NIBAN1: variants seen among roughly 807,000 people sequenced by gnomAD.
The protein encoded by NIBAN1 is protein Niban 1.
A neutral mutation model predicts 75.1 loss-of-function variants in NIBAN1; 81 were observed. That is an observed-to-expected ratio of 1.08 (90% CI 0.90 to 1.30). The LOEUF (loss-of-function observed/expected upper bound fraction) is 1.30, where lower values mean the gene tolerates loss of function less well. Among genes scored for constraint, NIBAN1 ranks in the 50% most tolerant of loss-of-function variants. The pLI is 0.00. For missense variants in NIBAN1, 1,133 were observed against 1,128.1 expected (o/e 1.00, Z -0.06); for synonymous variants, 436 against 424.8 (o/e 1.03, Z -0.32).
chr1:184,932,151 T>C (rs1287919580), intron 1 of NIBAN1, among the ~76,000 whole-genome samples: 1 of 152,190 alleles, frequency 6.6e-6, no homozygotes, highest in South Asian at 2.1e-4. Flanking sequence ...AGGAACAAGT[T>C]TCATAGAAGA....
intron 5 of NIBAN1, 135 bp downstream of exon 5, chr1:184,884,498 T>C (rs1656459447): frequency 1.7e-6 from 2 of 1,182,148 alleles, no homozygotes; most frequent in African/African-American, 1.5e-5. Context: ...GTGCTGGGAT[T>C]ACAGGCATGA....
At chr1:184,933,947 G>A (rs1381831886) in intron 1 of NIBAN1, among the ~76,000 whole-genome samples, 1 of 152,210 alleles carries the variant, frequency 6.6e-6, no homozygotes, top group Non-Finnish European at 1.5e-5. Context: ...GACATTGTGT[G>A]AAGCAGGAAC....
intron 6 of NIBAN1, among the ~76,000 whole-genome samples, chr1:184,824,227 C>T (rs1000847163): frequency 6.6e-6 from 1 of 152,152 alleles, no homozygotes; most frequent in African/African-American, 2.4e-5. Flanking sequence ...TTCGTCCCCA[C>T]TGTCCCCCAA....
chr1:184,862,908 A>G lies in NIBAN1; in HGVS notation c.601+21725T>C, dbSNP rs556381458. ...GTTGTTACACAGGTAAACTTGTGTCATAGGTGTTTGTTGTACAGATTATTT... is the reference window on the plus strand; with the variant it reads ...GTTGTTACACAGGTAAACTTGTGTCGTAGGTGTTTGTTGTACAGATTATTT... On this transcript the variant is annotated intron_variant, in intron 5 of 13. Coordinates refer to ENST00000367511, the MANE Select transcript of NIBAN1 (RefSeq NM_052966.4). 1.7e-3 allele frequency among the ~76,000 whole-genome samples: 255 copies of G among 151,950 alleles called. 1 individual carries two copies. Among genetic ancestry groups the G allele is most frequent in the Non-Finnish European group, 2.8e-3 (192 of 67,982 alleles).
In NIBAN1 at chr1:184,894,116, C is replaced by G. The variant is rs151291324; in HGVS notation, c.277G>C (p.Val93Leu). The part of the protein sequence containing the change: ...IKKWKERYVV[V>L]KNDYAVESYE... ...CTCTCCACAGCATAATCATTTTTAA[C>G]TACAACGTATCTCTCCTTCCACTTC... is the stretch of plus-strand genomic sequence containing the variant. Residue 93 changes from valine to leucine, a missense_variant, in exon 3 of 14, where the codon GTT becomes CTT. Transcript: ENST00000367511. The G allele has an allele frequency of 4.5e-4, 718 of 1,612,488 alleles. No individual in the cohort carries two copies. Among genetic ancestry groups the G allele is most frequent in the Non-Finnish European group, 5.8e-4 (688 of 1,179,358 alleles).
chr1:184,969,945 C>T (rs1247930458), intron 1 of NIBAN1, among the ~76,000 whole-genome samples: 1 of 151,946 alleles, frequency 6.6e-6, no homozygotes. Context: ...GCAGGTGGCT[C>T]ACTTGAGCTC....
chr1:184,869,140 T>C (rs146969438), intron 5 of NIBAN1, among the ~76,000 whole-genome samples: 33 of 152,278 alleles, frequency 2.2e-4, no homozygotes, highest in African/African-American at 6.3e-4. Context: ...TTTAGGCATA[T>C]TGCTTTCCTC....
intron 1 of NIBAN1, among the ~76,000 whole-genome samples, chr1:184,930,227 G>T (rs1213501760): frequency 6.6e-6 from 1 of 152,130 alleles, no homozygotes; most frequent in African/African-American, 2.4e-5. Flanking sequence ...GATAGGGTAC[G>T]ACTCAAATCT....
At chr1:184,796,206 A>G in intron 13 of NIBAN1, 109 bp from the exon 14 acceptor site, 1 of 1,200,118 alleles carries the variant, frequency 8.3e-7, no homozygotes. Context: ...GACCCAGCTT[A>G]CATCCAGGGA....
At chr1:184,814,689 A>G (rs1176727666) in intron 9 of NIBAN1, among the ~76,000 whole-genome samples, 1 of 152,250 alleles carries the variant, frequency 6.6e-6, no homozygotes, top group Non-Finnish European at 1.5e-5. Context: ...GTGGTATTTG[A>G]CAAACCTTTC....
chr1:184,881,955 C>T (rs1571543749), intron 5 of NIBAN1, among the ~76,000 whole-genome samples: 1 of 152,252 alleles, frequency 6.6e-6, no homozygotes, highest in East Asian at 1.9e-4. Context: ...GGGAATGCAG[C>T]CCAGTAAGTT....
chr1:184,899,376 A>G, intron 1 of NIBAN1, 67 bp from the exon 2 acceptor site: 1 of 1,513,010 alleles, frequency 6.6e-7, no homozygotes, highest in South Asian at 1.2e-5. Flanking sequence ...ACAGAGTTCC[A>G]AAAACCATCC....
chr1:184,925,140 C>A (rs538351365), intron 1 of NIBAN1, among the ~76,000 whole-genome samples: 2 of 152,136 alleles, frequency 1.3e-5, no homozygotes, highest in Non-Finnish European at 2.9e-5. Context: ...GCTGAATTGA[C>A]CCCTTTATCA....
chr1:184,823,640 C>A lies in NIBAN1; in HGVS notation c.820G>T (p.Gly274Cys), dbSNP rs1235892578. Residue 274 changes from glycine to cysteine, a missense_variant and splice_region_variant, in exon 7 of 14, where the codon GGT becomes TGT. Transcript: ENST00000367511. ...TGTAGAGCAAAACCATTGCTTACAC[C>A]AAGCCACGTCCTCTTTCTGTCATTC... ...KKNDRKRTWL[G>C]LLEEAYTLVQ... 28 of 1,614,102 alleles carry A rather than the reference C, an allele frequency of 1.7e-5. No individual in the cohort carries two copies. Among genetic ancestry groups the A allele is most frequent in the Non-Finnish European group, 2.4e-5 (28 of 1,179,976 alleles).
chr1:184,961,055 TTC>T (rs1422648108), intron 1 of NIBAN1, among the ~76,000 whole-genome samples: 4 of 136,510 alleles, frequency 2.9e-5, no homozygotes, highest in African/African-American at 1.1e-4. Context: ...CTATATGCCG[TTC>T]TTTTTTTTTT....
chr1:184,919,789 C>T lies in NIBAN1; in HGVS notation c.56-20480G>A, dbSNP rs181852384. Among the ~76,000 whole-genome samples, 17 of 151,952 alleles carry T rather than the reference C, an allele frequency of 1.1e-4. No homozygotes were observed. The South Asian group carries it at 2.9e-3, about 26-fold the overall frequency. On this transcript the variant is annotated intron_variant, in intron 1 of 13. Coordinates refer to ENST00000367511, the MANE Select transcript of NIBAN1 (RefSeq NM_052966.4). ...TCCTAGGTAATGAGTATAATATATA[C>T]GTAAATATACAATGCCTTCTATGAG...
At chr1:184,914,977 C>T (rs1657345722) in intron 1 of NIBAN1, among the ~76,000 whole-genome samples, 1 of 152,160 alleles carries the variant, frequency 6.6e-6, no homozygotes, top group Non-Finnish European at 1.5e-5. Context: ...CTGCCTTGGC[C>T]TCCCCAAGTG....
At chr1:184,808,303 T>C (rs1654267045) in intron 9 of NIBAN1, 68 bp from the exon 10 acceptor site, 2 of 1,464,624 alleles carry the variant, frequency 1.4e-6, no homozygotes, top group African/African-American at 2.8e-5. Flanking sequence ...ATATATTGCA[T>C]ATTACATACA....
intron 5 of NIBAN1, among the ~76,000 whole-genome samples, chr1:184,872,138 C>T (rs533040135): frequency 4.0e-5 from 6 of 150,850 alleles, no homozygotes; most frequent in South Asian, 4.2e-4. Flanking sequence ...TTAGCAAACA[C>T]GGAATATAAA....
Sources: allele counts gnomAD v4.1 joint callset (sites outside exome capture counted in the v4.1 genomes callset), GRCh38; gene constraint gnomAD v4.1.1; transcripts MANE v1.5; gene names NCBI Gene and HGNC (gene_info 2026-07-23, HGNC 2026-07-21).